Variants in COL14A1 observed in about 807,000 individuals in gnomAD.
The protein encoded by COL14A1 is collagen type XIV alpha 1 chain.
COL14A1 carries 136 observed loss-of-function variants against 230.3 expected under a neutral mutation model. That is an observed-to-expected ratio of 0.59 (90% CI 0.51 to 0.68). The LOEUF is 0.68. Among genes scored for constraint, COL14A1 ranks in the 30% least tolerant of loss-of-function variants. COL14A1 has a pLI of 0.00. For missense variants in COL14A1, 1,976 were observed against 2,215.8 expected, an observed-to-expected ratio of 0.89 and a Z score of 2.17; for synonymous variants, 792 against 784.1, an observed-to-expected ratio of 1.01 and a Z score of -0.17.
chr8:120,215,585 A>T (rs1450983172), intron 13 of COL14A1, among the ~76,000 whole-genome samples: 3 of 152,096 alleles, frequency 2.0e-5, no homozygotes, highest in African/African-American at 7.2e-5. Context: ...AGGAATAATT[A>T]TATTAATAGT....
At chr8:120,189,359 G>C (rs995580042) in intron 5 of COL14A1, among the ~76,000 whole-genome samples, 3 of 152,032 alleles carry the variant, frequency 2.0e-5, no homozygotes, top group East Asian at 3.9e-4. Flanking sequence ...AAGTGAGTAC[G>C]TACTAGTCTT....
intron 23 of COL14A1, among the ~76,000 whole-genome samples, chr8:120,256,206 T>C (rs1819145536): frequency 6.6e-6 from 1 of 152,210 alleles, no homozygotes. Context: ...GTTAAAAATG[T>C]AGCCTGTTCT....
Position 120,272,694 on chromosome 8 carries a change from GAC to G in COL14A1, c.3213+2522_3213+2523del, listed in dbSNP as rs543021943. ...TAAAGCAACAATAGTAGAAAAAAAA[GAC>G]AAAGAAAGTCATTATATAATGATAA... is the stretch of plus-strand genomic sequence containing the variant. On this transcript the variant is annotated intron_variant, in intron 26 of 47. Transcript: ENST00000297848. 2.8e-4 allele frequency among the ~76,000 whole-genome samples: 43 copies of G among 151,642 alleles called. No homozygotes were observed. In the South Asian group the frequency reaches 8.9e-3, roughly 32 times the overall value.
intron 45 of COL14A1, among the ~76,000 whole-genome samples, chr8:120,362,125 G>A (rs1349607100): frequency 6.6e-6 from 1 of 152,234 alleles, no homozygotes; most frequent in African/African-American, 2.4e-5. Flanking sequence ...TTCGGGTCCA[G>A]CTTAGGATGG....
At chr8:120,341,140 A>G (rs192669204) in intron 42 of COL14A1, among the ~76,000 whole-genome samples, 185 bp from the exon 43 acceptor site, 1 of 152,366 alleles carries the variant, frequency 6.6e-6, no homozygotes, top group East Asian at 1.9e-4. Flanking sequence ...AGAATGCTTA[A>G]CAGAGCTTTT....
intron 47 of COL14A1, among the ~76,000 whole-genome samples, chr8:120,369,967 G>A (rs959028552): frequency 2.0e-5 from 3 of 152,168 alleles, no homozygotes; most frequent in African/African-American, 7.2e-5. Flanking sequence ...TTGCATTTAG[G>A]TGCATTTAAG....
intron 7 of COL14A1, among the ~76,000 whole-genome samples, chr8:120,198,902 G>A (rs1055652199): frequency 6.6e-6 from 1 of 152,152 alleles, no homozygotes; most frequent in Non-Finnish European, 1.5e-5. Flanking sequence ...CAACAATATT[G>A]CACCATTTCT....
intron 28 of COL14A1, among the ~76,000 whole-genome samples, 184 bp from the exon 29 acceptor site, chr8:120,279,751 G>C (rs1211893748): frequency 1.3e-5 from 2 of 152,092 alleles, no homozygotes; most frequent in Non-Finnish European, 2.9e-5. Flanking sequence ...GGGGATGATG[G>C]AATCATTATC....
In COL14A1 at chr8:120,149,685, TC is replaced by T. The variant is rs1815210895; in HGVS notation, c.88+1756del. ...ATATTGTTAGCCAAATTCTGTTTTTTCATTTTTTTTTTTTTTTTTGAGACGG... is the reference window on the plus strand; with the variant it reads ...ATATTGTTAGCCAAATTCTGTTTTTTATTTTTTTTTTTTTTTTTGAGACGG... On this transcript the variant is annotated intron_variant, in intron 2 of 47. Coordinates refer to ENST00000297848, the MANE Select transcript of COL14A1 (RefSeq NM_021110.4). Among the ~76,000 whole-genome samples, 3 of 120,380 alleles carry T rather than the reference TC, an allele frequency of 2.5e-5. No individual in the cohort carries two copies. The South Asian group carries it at 8.3e-4, about 33-fold the overall frequency. The allele number at this position is 120,380 out of a possible 152,430, so 79.0% of individuals were successfully genotyped here.
intron 22 of COL14A1, among the ~76,000 whole-genome samples, chr8:120,254,246 G>A (rs900929779): frequency 1.3e-5 from 2 of 152,046 alleles, no homozygotes; most frequent in Non-Finnish European, 2.9e-5. Flanking sequence ...ATAAACACTG[G>A]CTACCTACTT....
chr8:120,327,620 G>A (rs2130185931), intron 40 of COL14A1, among the ~76,000 whole-genome samples: 1 of 152,154 alleles, frequency 6.6e-6, no homozygotes, highest in East Asian at 1.9e-4. Context: ...GCTTGCAGAG[G>A]GTTCAAGAGC....
At chr8:120,353,510 C>A (rs536281917) in intron 45 of COL14A1, among the ~76,000 whole-genome samples, 2 of 146,392 alleles carry the variant, frequency 1.4e-5, no homozygotes, top group East Asian at 4.0e-4. Flanking sequence ...GGGCTAATAT[C>A]CAGAATCTAC....
chr8:120,228,865 A>T (rs1313016183), intron 18 of COL14A1, 96 bp downstream of exon 18: 2 of 1,076,618 alleles, frequency 1.9e-6, no homozygotes, highest in East Asian at 5.0e-5. Flanking sequence ...CTAGGAAAAG[A>T]GATGACCCTC....
At chr8:120,355,508 G>T (rs921970208) in intron 45 of COL14A1, among the ~76,000 whole-genome samples, 2 of 151,652 alleles carry the variant, frequency 1.3e-5, no homozygotes, top group Admixed American at 1.3e-4. Context: ...CGCCCCCCGG[G>T]TTCAAGCAAT....
chr8:120,323,235 C>T (rs958618082), intron 40 of COL14A1, among the ~76,000 whole-genome samples: 7 of 152,118 alleles, frequency 4.6e-5, no homozygotes, highest in Admixed American at 6.5e-5. Context: ...AATGTCTGTT[C>T]ATATCCTTTG....
intron 42 of COL14A1, among the ~76,000 whole-genome samples, chr8:120,336,051 A>G (rs959997572): frequency 3.2e-4 from 48 of 152,214 alleles, no homozygotes; most frequent in African/African-American, 1.1e-3. Flanking sequence ...CATTTAAAAT[A>G]TTTAGGGAAT....
chr8:120,245,186 A>G (rs906063131), intron 20 of COL14A1, among the ~76,000 whole-genome samples: 11 of 152,078 alleles, frequency 7.2e-5, no homozygotes, highest in African/African-American at 2.4e-4. Flanking sequence ...AGTAGCCCCC[A>G]CTGTCTATGA....
chr8:120,363,514 C>T lies in COL14A1; in HGVS notation c.5078-3657C>T, dbSNP rs181275943. ...TGATGTGTTGATAGGTGCAGCAAAC[C>T]ACCATGGCACACATTTACCTGTGTA... On this transcript the variant is annotated intron_variant, in intron 45 of 47. Transcript: ENST00000297848. Among the ~76,000 whole-genome samples, 742 of 152,222 alleles carry T rather than the reference C, an allele frequency of 4.9e-3. 13 individuals are homozygous for T. The highest frequency in any genetic ancestry group is 5.2e-3 in the Admixed American group (80 of 15,288).
Position 120,328,278 on chromosome 8 carries a change from G to A in COL14A1, c.4660-3863G>A, listed in dbSNP as rs1821751458. On this transcript the variant is annotated intron_variant, in intron 40 of 47. Transcript: ENST00000297848. ...AGACAGGGTCTCACTCTATCACCCA[G>A]ACTGGAGTGCAGTGGTGTGATCACA... Among the ~76,000 whole-genome samples the A allele has an allele frequency of 2.0e-5, 3 of 151,924 alleles. No homozygotes were observed. The South Asian group carries it at 6.3e-4, about 32-fold the overall frequency.
Sources: allele counts gnomAD v4.1 joint callset (sites outside exome capture counted in the v4.1 genomes callset), GRCh38; gene constraint gnomAD v4.1.1; transcripts MANE v1.5; gene names NCBI Gene and HGNC (gene_info 2026-07-23, HGNC 2026-07-21).